Variants in EGF observed in about 807,000 individuals in gnomAD.
EGF encodes the protein epidermal growth factor, also known as pro-epidermal growth factor.
In EGF, 95 loss-of-function variants were observed where a neutral mutation model predicts 143.8. The observed-to-expected ratio is 0.66, with a 90% CI of 0.56 to 0.78. The LOEUF is 0.78. EGF is among the 30% of genes least tolerant of loss of function. The pLI is 0.00. For missense variants in EGF, 1,320 were observed against 1,470.9 expected, an observed-to-expected ratio of 0.90 and a Z score of 1.68; for synonymous variants, 510 against 510.5, an observed-to-expected ratio of 1.00 and a Z score of 0.01.
In EGF at chr4:110,011,817, G is replaced by T. The variant is rs1415436228; in HGVS notation, c.*362G>T. ...AGGGGTTAAAGCAGACAGTCACACT[G>T]GTTTGGTCAGTTACAAAGTAATTTC... On this transcript the variant is annotated 3_prime_UTR_variant, in exon 24 of 24. Transcript: ENST00000265171. 6.1e-6 allele frequency: 2 copies of T among 330,278 alleles called. No individual in the cohort carries two copies. Among genetic ancestry groups the T allele is most frequent in the South Asian group, 2.9e-5 (1 of 34,938 alleles). 20.5% of individuals were successfully genotyped at this position (330,278 alleles called of 1,614,324 possible). A position where few individuals can be genotyped will look rare whatever the true frequency, so the allele number is the denominator to read the frequency against.
chr4:110,006,996 T>C (rs752125017), intron 22 of EGF, among the ~76,000 whole-genome samples: 9 of 152,228 alleles, frequency 5.9e-5, no homozygotes, highest in Admixed American at 3.3e-4. Context: ...AAATTTGCAG[T>C]GCAGAGGGTT....
intron 5 of EGF, among the ~76,000 whole-genome samples, chr4:109,954,618 C>G (rs1744500056): frequency 6.6e-6 from 1 of 152,070 alleles, no homozygotes; most frequent in Non-Finnish European, 1.5e-5. Flanking sequence ...ATTGAGAACT[C>G]ATTAATGATG....
chr4:109,945,555 AAC>A (rs1474736745), intron 5 of EGF, among the ~76,000 whole-genome samples: 1 of 152,122 alleles, frequency 6.6e-6, no homozygotes, highest in Non-Finnish European at 1.5e-5. Flanking sequence ...TGGACAACAT[AAC>A]AAGGCTCGGT....
intron 11 of EGF, among the ~76,000 whole-genome samples, chr4:109,969,567 C>T (rs945790423): frequency 5.9e-5 from 9 of 151,708 alleles, no homozygotes; most frequent in Middle Eastern, 3.2e-3. Flanking sequence ...TAAACCTGCA[C>T]GTTCTGCACA....
chr4:109,913,912 G>A (rs1736141524), intron 1 of EGF, among the ~76,000 whole-genome samples: 1 of 152,200 alleles, frequency 6.6e-6, no homozygotes, highest in African/African-American at 2.4e-5. Flanking sequence ...GTGAAAAATG[G>A]AAAGGGAACT....
chr4:109,931,347 T>C (rs1010665706), intron 1 of EGF, among the ~76,000 whole-genome samples: 4 of 152,236 alleles, frequency 2.6e-5, no homozygotes, highest in Non-Finnish European at 5.9e-5. Flanking sequence ...CTGGTTTACA[T>C]AAAATGATGT....
intron 1 of EGF, among the ~76,000 whole-genome samples, chr4:109,924,854 C>A (rs2125948034): frequency 6.6e-6 from 1 of 152,190 alleles, no homozygotes; most frequent in South Asian, 2.1e-4. Context: ...GAGAAATTAA[C>A]AAGAAGACAG....
At chr4:109,930,326 T>C (rs1014973620) in intron 1 of EGF, among the ~76,000 whole-genome samples, 2 of 152,172 alleles carry the variant, frequency 1.3e-5, no homozygotes, top group Admixed American at 1.3e-4. Flanking sequence ...CAAGCTGTCA[T>C]TTAAGTCAGC....
Position 109,912,989 on chromosome 4 carries a change from C to T in EGF, c.-347C>T, listed in dbSNP as rs1579409284. The T allele has an allele frequency of 3.9e-6, 1 of 255,594 alleles. No individual in the cohort carries two copies. The highest frequency in any genetic ancestry group is 7.7e-6 in the Non-Finnish European group (1 of 130,428). 15.8% of individuals were successfully genotyped at this position (255,594 alleles called of 1,614,324 possible). ...TTCCATCAGTTCTTCCTTTCTTTTTCCTCTCTAAGCCTTTGCCTTGCTCTG... is the reference window on the plus strand; with the variant it reads ...TTCCATCAGTTCTTCCTTTCTTTTTTCTCTCTAAGCCTTTGCCTTGCTCTG... On this transcript the variant is annotated 5_prime_UTR_variant, in exon 1 of 24. Coordinates refer to ENST00000265171, the MANE Select transcript of EGF (RefSeq NM_001963.6).
intron 1 of EGF, among the ~76,000 whole-genome samples, chr4:109,918,547 G>A (rs1422636421): frequency 2.0e-5 from 3 of 152,072 alleles, no homozygotes; most frequent in African/African-American, 7.2e-5. Context: ...TGGAGGTGGG[G>A]GCTGTGATGA....
intron 5 of EGF, among the ~76,000 whole-genome samples, chr4:109,952,221 G>C (rs1318593152): frequency 1.3e-5 from 2 of 152,120 alleles, no homozygotes; most frequent in Non-Finnish European, 2.9e-5. Context: ...ATTGCTCATA[G>C]ATATTATGTT....
chr4:109,993,473 A>C, intron 19 of EGF, 104 bp downstream of exon 19: 1 of 1,530,888 alleles, frequency 6.5e-7, no homozygotes, highest in Middle Eastern at 2.3e-4. Context: ...CATTCAGTTC[A>C]GGCAGGCTGC....
chr4:109,950,393 T>G (rs1291374804), intron 5 of EGF, among the ~76,000 whole-genome samples: 1 of 152,140 alleles, frequency 6.6e-6, no homozygotes, highest in East Asian at 1.9e-4. Context: ...CTACTCCTTA[T>G]GATCTAACCA....
chr4:109,913,441 A>G lies in EGF; in HGVS notation c.106A>G (p.Asn36Asp). 1 of 1,613,878 alleles carries G rather than the reference A, an allele frequency of 6.2e-7. No homozygotes were observed. Among genetic ancestry groups the G allele is most frequent in the East Asian group, 2.2e-5 (1 of 44,858 alleles). The change falls in exon 1 of 24, where the codon AAT (asparagine) becomes GAT (aspartate). Residue 36 changes from asparagine to aspartate, a missense_variant. Around this residue, in one of 5 missense-constraint regions of EGF, gnomAD observed 79 missense variants for 71.2 expected, o/e 1.11. Coordinates refer to ENST00000265171, the MANE Select transcript of EGF (RefSeq NM_001963.6). ...WSCPEGTLAG[N>D]GNSTCVGPAP... is the part of the protein sequence containing the mutation. Reference sequence around the variant, plus strand: ...CTGTCCTGAAGGTACTCTCGCAGGAAATGGGAATTCTACTTGTGTGGGTAA... The same window carrying G: ...CTGTCCTGAAGGTACTCTCGCAGGAGATGGGAATTCTACTTGTGTGGGTAA...
chr4:109,993,421 T>C (rs765195734), intron 19 of EGF, 52 bp downstream of exon 19: 42 of 1,608,152 alleles, frequency 2.6e-5, no homozygotes, highest in Middle Eastern at 1.9e-4. Flanking sequence ...CTCGGGGATA[T>C]TCTATACCCT....
intron 2 of EGF, 114 bp from the exon 3 acceptor site, chr4:109,943,140 C>G (rs1742202121): frequency 1.4e-6 from 1 of 728,190 alleles, no homozygotes. Flanking sequence ...AATTTTGGAA[C>G]TGCATAAAGA....
In EGF at chr4:109,964,661, A is replaced by G. The variant is rs561191557; in HGVS notation, c.1575+124A>G. ...TAAGTTCTGAATGATTAGGCACAGA[A>G]CAAGTTAAATATAGATATTGGAGTA... On this transcript the variant is annotated intron_variant, in intron 10 of 23. Transcript: ENST00000265171. 607 of 1,383,284 alleles carry G rather than the reference A, an allele frequency of 4.4e-4. 5 individuals are homozygous for G. In the South Asian group the frequency reaches 7.5e-3, roughly 17 times the overall value. 85.7% of individuals were successfully genotyped at this position (1,383,284 alleles called of 1,614,324 possible).
Position 109,941,080 on chromosome 4 carries a change from A to C in EGF, c.262A>C (p.Ile88Leu), listed in dbSNP as rs566581743. ...IMDFHYNEKR[I>L]YWVDLERQLL... ...GGATTTTCATTATAATGAGAAAAGA[A>C]TCTATTGGGTGGATTTAGAAAGACA... Residue 88 changes from isoleucine (I) to leucine (L), a missense_variant, in exon 2 of 24, where the codon ATC becomes CTC. This residue lies in a region of EGF where 41 missense variants were observed against 38.1 expected (regional missense o/e 1.07). Transcript: ENST00000265171. The C allele has an allele frequency of 6.8e-6, 11 of 1,614,070 alleles. No homozygotes were observed. Among genetic ancestry groups the C allele is most frequent in the Non-Finnish European group, 9.3e-6 (11 of 1,179,982 alleles).
chr4:109,940,774 G>A, intron 1 of EGF, 172 bp from the exon 2 acceptor site: 1 of 633,216 alleles, frequency 1.6e-6, no homozygotes, highest in Non-Finnish European at 2.7e-6. Flanking sequence ...TTACAAAGTG[G>A]AGTGTGAATA....
Sources: allele counts gnomAD v4.1 joint callset (sites outside exome capture counted in the v4.1 genomes callset), GRCh38; gene constraint gnomAD v4.1.1; regional missense constraint gnomAD v4.1.1; transcripts MANE v1.5; gene names NCBI Gene and HGNC (gene_info 2026-07-23, HGNC 2026-07-21).